INPP5J: variants seen among roughly 807,000 people sequenced by gnomAD.
The protein encoded by INPP5J is phosphatidylinositol 4,5-bisphosphate 5-phosphatase A.
INPP5J carries 75 observed loss-of-function variants against 86.6 expected under a neutral mutation model. That is an observed-to-expected ratio of 0.87 (90% CI 0.72 to 1.05). The LOEUF is 1.05. INPP5J is among the 50% of genes least tolerant of loss of function. INPP5J has a pLI of 0.00. For synonymous variants in INPP5J, 540 were observed against 550.0 expected, an observed-to-expected ratio of 0.98 and a Z score of 0.25; for missense variants, 1,229 against 1,341.2, an observed-to-expected ratio of 0.92 and a Z score of 1.31.
Position 31,134,264 on chromosome 22 carries a change from C to T in INPP5J, c.2866C>T (p.Arg956Ter), listed in dbSNP as rs755873211. Reference protein sequence around the residue: ...GPWAFPPAVPRSLGLLPALRL... With the variant: ...GPWAFPPAVP ...CTGGGCCTTCCCACCAGCTGTGCCT[C>T]GAAGCCTGGGCCTGTTGCCCGCCTT... The change falls in exon 13 of 13, where the codon CGA becomes TGA. Residue 956 changes from arginine (R) to a stop codon, truncating the protein, a stop_gained. Coordinates refer to ENST00000331075, the MANE Select transcript of INPP5J (RefSeq NM_001284285.2). LOFTEE classifies it high-confidence loss of function. The T allele has an allele frequency of 1.4e-5, 21 of 1,551,888 alleles. No homozygotes were observed. Among genetic ancestry groups the T allele is most frequent in the East Asian group, 2.4e-5 (1 of 41,046 alleles).
Position 31,123,112 on chromosome 22 carries a change from C to A in INPP5J, c.98C>A (p.Pro33His). Residue 33 changes from proline to histidine, a missense_variant, in exon 1 of 13, where the codon CCC (proline) becomes CAC (histidine). Pro to His is a moderately conservative substitution (Grantham distance 77). Coordinates refer to ENST00000331075, the MANE Select transcript of INPP5J (RefSeq NM_001284285.2). ...CAGGGTGTTGCCCAAACTGGGGCAC[C>A]CTCCAAGGTAAGACCCCTGAGACCC... ...MPQGVAQTGAPSKVDSSFQLP... is the reference protein window; with the variant it reads ...MPQGVAQTGAHSKVDSSFQLP... The A allele has an allele frequency of 6.8e-7, 1 of 1,479,988 alleles. No homozygotes were observed. Among genetic ancestry groups the A allele is most frequent in the South Asian group, 1.3e-5 (1 of 74,446 alleles). 91.7% of individuals were successfully genotyped at this position (1,479,988 alleles called of 1,614,324 possible).
rs777113473 is a variant in INPP5J, at chr22:31,134,064, C to T, written c.2666C>T (p.Pro889Leu). Residue 889 changes from proline (P) to leucine (L), a missense_variant, in exon 13 of 13, where the codon CCG becomes CTG. Coordinates refer to ENST00000331075, the MANE Select transcript of INPP5J (RefSeq NM_001284285.2). ...TCCAAGCGACACCGCAGCCGCAGCC[C>T]GGGACTGGCCAGGTTCCCTGGGCTT... ...GKSKRHRSRS[P>L]GLARFPGLAL... The T allele has an allele frequency of 4.4e-6, 7 of 1,576,604 alleles. No homozygotes were observed. The highest frequency in any genetic ancestry group is 1.4e-5 in the African/African-American group (1 of 73,934).
chr22:31,132,182 G>A (rs1922116554), intron 9 of INPP5J, among the ~76,000 whole-genome samples: 1 of 152,208 alleles, frequency 6.6e-6, no homozygotes, highest in Admixed American at 6.5e-5. Context: ...GTTAGAGCCT[G>A]CCCTGGGGTA....
Position 31,134,457 on chromosome 22 carries a change from C to G in INPP5J, c.*38C>G. On this transcript the variant is annotated 3_prime_UTR_variant, in exon 13 of 13. Coordinates refer to ENST00000331075, the MANE Select transcript of INPP5J (RefSeq NM_001284285.2). ...CAGATGGGCCAAGGTGACCACCATT[C>G]TGCCTCAATCTTTTGCAAGCCCACC... 9.1e-6 allele frequency: 13 copies of G among 1,429,224 alleles called. No individual in the cohort carries two copies. The highest frequency in any genetic ancestry group is 1.2e-5 in the Non-Finnish European group (13 of 1,092,364). The allele number at this position is 1,429,224 out of a possible 1,614,324, so 88.5% of individuals were successfully genotyped here. A position where few individuals can be genotyped will look rare whatever the true frequency, so the allele number is the denominator to read the frequency against.
rs1921365395 is a variant in INPP5J at position 31,125,936 on chromosome 22, C to T, written c.1197C>T (p.Thr399=). The change falls in exon 2 of 13, where the codon ACC becomes ACT. Residue 399 remains threonine (T), a synonymous_variant. Transcript: ENST00000331075. ...QAQEAPAPVT[T]SSSTSTLSSS... ...AAGAAGCCCCAGCCCCAGTCACCAC[C>T]TCCTCTTCTACATCCACCCTGTCAT... is the stretch of plus-strand genomic sequence containing the variant. 1 of 1,613,118 alleles carries T rather than the reference C, an allele frequency of 6.2e-7. No homozygotes were observed. The highest frequency in any genetic ancestry group is 8.5e-7 in the Non-Finnish European group (1 of 1,179,336).
At position 31,128,932 on chromosome 22, in the gene INPP5J, T is replaced by C. The variant is rs1212618236; in HGVS notation, c.2193+278T>C. Reference sequence around the variant, plus strand: ...TTTCAGAGCCCATGCCTTTTCTTTTTTTTTTTTTTTTTTTTTTTGAGACAG... The same window carrying C: ...TTTCAGAGCCCATGCCTTTTCTTTTCTTTTTTTTTTTTTTTTTTGAGACAG... On this transcript the variant is annotated intron_variant, in intron 9 of 12. Transcript: ENST00000331075. Among the ~76,000 whole-genome samples, 17 of 142,828 alleles carry C rather than the reference T, an allele frequency of 1.2e-4. No individual in the cohort carries two copies. In the South Asian group the frequency reaches 2.1e-3, roughly 18 times the overall value. 93.7% of individuals were successfully genotyped at this position (142,828 alleles called of 152,430 possible). A position where few individuals can be genotyped will look rare whatever the true frequency, so the allele number is the denominator to read the frequency against.
chr22:31,127,635 G>T, intron 6 of INPP5J, 103 bp downstream of exon 6: 4 of 1,166,660 alleles, frequency 3.4e-6, no homozygotes, highest in South Asian at 3.2e-5. Context: ...GGCCTATGGG[G>T]TTTAGTGCCC....
Position 31,124,309 on chromosome 22 carries a change from G to T in INPP5J, c.106-536G>T, listed in dbSNP as rs1040901185. ...GTAACCAAGGGATTTGGATGTTTAG[G>T]GGGCGGTGGGGAACTGAGGGTTTCT... is the stretch of plus-strand genomic sequence containing the variant. On this transcript the variant is annotated intron_variant, in intron 1 of 12. Transcript: ENST00000331075. 5 of 987,862 alleles carry T rather than the reference G, an allele frequency of 5.1e-6. No homozygotes were observed. The African/African-American group carries it at 8.7e-5, about 17-fold the overall frequency. The allele number at this position is 987,862 out of a possible 1,614,324, so 61.2% of individuals were successfully genotyped here. A position where few individuals can be genotyped will look rare whatever the true frequency, so the allele number is the denominator to read the frequency against.
intron 9 of INPP5J, 34 bp from the exon 10 acceptor site, chr22:31,133,064 G>C (rs1217906316): frequency 6.4e-7 from 1 of 1,553,084 alleles, no homozygotes; most frequent in Non-Finnish European, 8.7e-7. Flanking sequence ...GGTCTCCCCT[G>C]ATGTGGCCCC....
chr22:31,127,858 G>C (rs1921647716), intron 6 of INPP5J, 93 bp from the exon 7 acceptor site: 1 of 788,756 alleles, frequency 1.3e-6, no homozygotes, highest in South Asian at 1.6e-5. Context: ...GGTTGGATGG[G>C]CTGGAAGGAT....
At position 31,127,929 on chromosome 22, in the gene INPP5J, TCCCATC is replaced by T; in HGVS notation, c.1788-18_1788-13del. 1 of 1,056,322 alleles carries T rather than the reference TCCCATC, an allele frequency of 9.5e-7. No individual in the cohort carries two copies. The highest frequency in any genetic ancestry group is 1.4e-6 in the Non-Finnish European group (1 of 740,046). The allele number at this position is 1,056,322 out of a possible 1,614,324, so 65.4% of individuals were successfully genotyped here. On this transcript the variant is annotated splice_polypyrimidine_tract_variant and intron_variant, in intron 6 of 12. Transcript: ENST00000331075. ...CACCCCCCACTGCCCCCCACATCTC[TCCCATC>T]CCCCACCCCAAACAGCCTCGTGTTC... is the stretch of plus-strand genomic sequence containing the variant.
chr22:31,133,150 G>T lies in INPP5J; in HGVS notation c.2246G>T (p.Trp749Leu). 1 of 1,576,990 alleles carries T rather than the reference G, an allele frequency of 6.3e-7. No homozygotes were observed. Among genetic ancestry groups the T allele is most frequent in the East Asian group, 2.3e-5 (1 of 42,844 alleles). ...PLVRLEVADE[W>L]VRPEQAVVRY... is the part of the protein sequence containing the mutation. ...GTGCGGCTGGAGGTGGCAGATGAGT[G>T]GGTGCGGCCCGAGCAGGCGGTGGTG... is the stretch of plus-strand genomic sequence containing the variant. The change falls in exon 10 of 13, where the codon TGG becomes TTG. Residue 749 changes from tryptophan (W) to leucine (L), a missense_variant. Trp to Leu is a moderately conservative substitution (Grantham distance 61). Coordinates refer to ENST00000331075, the MANE Select transcript of INPP5J (RefSeq NM_001284285.2).
chr22:31,122,675 A>T (rs1010514350), upstream of INPP5J: 9 of 259,288 alleles, frequency 3.5e-5, no homozygotes, highest in African/African-American at 2.0e-4. Flanking sequence ...ACCTTAAGGC[A>T]GGTGTGTTAA....
chr22:31,128,336 C>A lies in INPP5J; in HGVS notation c.2009+13C>A. ...AATACGATACCAGGTGAGCTCAGTC[C>A]GAGGAGGGACTGAGGGGAAGTGGGC... is the stretch of plus-strand genomic sequence containing the variant. On this transcript the variant is annotated intron_variant, in intron 8 of 12. Transcript: ENST00000331075. 6.3e-7 allele frequency: 1 copy of A among 1,579,928 alleles called. No homozygotes were observed. Among genetic ancestry groups the A allele is most frequent in the East Asian group, 2.3e-5 (1 of 43,524 alleles).
intron 8 of INPP5J, 33 bp from the exon 9 acceptor site, chr22:31,128,438 C>T (rs759230061): frequency 1.2e-6 from 2 of 1,610,120 alleles, no homozygotes; most frequent in South Asian, 1.1e-5. Flanking sequence ...GATCCCCAGC[C>T]CCTGAAACTT....
chr22:31,126,379 CA>C lies in INPP5J; in HGVS notation c.1276del (p.Thr426LeufsTer33). 1 of 1,611,930 alleles carries C rather than the reference CA, an allele frequency of 6.2e-7. No individual in the cohort carries two copies. Among genetic ancestry groups the C allele is most frequent in the Non-Finnish European group, 8.5e-7 (1 of 1,178,374 alleles). ...CCTCATATGCCCCTGCCCTCAGGAT[CA>C]CTGTGGTCACATGGAACGTGGGCAC... ...TWKSDPGFRI[T>X]VVTWNVGTAM... On this transcript the variant is annotated frameshift_variant, in exon 3 of 13. Transcript: ENST00000331075. LOFTEE classifies it high-confidence loss of function.
Position 31,128,209 on chromosome 22 carries a change from C to T in INPP5J, c.1900-5C>T, listed in dbSNP as rs1326459824. The T allele has an allele frequency of 1.3e-6, 2 of 1,585,640 alleles. No homozygotes were observed. The highest frequency in any genetic ancestry group is 2.3e-5 in the East Asian group (1 of 43,528). On this transcript the variant is annotated splice_region_variant and splice_polypyrimidine_tract_variant and intron_variant, in intron 7 of 12. Transcript: ENST00000331075. ...GTCCAATCTGCTCTCCTGGACCCCCCACAGCTCAACATGGCCAAGAACACC... is the reference window on the plus strand; with the variant it reads ...GTCCAATCTGCTCTCCTGGACCCCCTACAGCTCAACATGGCCAAGAACACC...
chr22:31,123,321 A>G lies in INPP5J; in HGVS notation c.105+202A>G, dbSNP rs192125984. 3.7e-3 allele frequency among the ~76,000 whole-genome samples: 566 copies of G among 152,248 alleles called. 8 individuals carry two copies. The highest frequency in any genetic ancestry group is 0.024 in the Middle Eastern group (7 of 294). On this transcript the variant is annotated intron_variant, in intron 1 of 12. Coordinates refer to ENST00000331075, the MANE Select transcript of INPP5J (RefSeq NM_001284285.2). ...TGCCCGGAGACAGATGAAGTTAGCC[A>G]TCTCCAGGAGCCCTTGGGAGAGTCC...
chr22:31,128,995 C>T (rs1332213594), intron 9 of INPP5J, among the ~76,000 whole-genome samples: 16 of 143,428 alleles, frequency 1.1e-4, no homozygotes, highest in African/African-American at 1.8e-4. Context: ...TGCAGTGGCA[C>T]GATCTTAGCT....
Sources: gnomAD v4.1 joint callset for allele counts (sites outside exome capture counted in the v4.1 genomes callset) on GRCh38, gnomAD v4.1.1 for gene constraint, MANE v1.5 for transcripts, NCBI Gene and HGNC (gene_info 2026-07-23, HGNC 2026-07-21) for gene names.